The following RALGAPA2 variants were observed in gnomAD, a reference collection of about 807,000 sequenced individuals.
RALGAPA2 encodes the protein ral GTPase-activating protein subunit alpha-2.
A neutral mutation model predicts 230.4 loss-of-function variants in RALGAPA2; 139 were observed. The observed-to-expected ratio is 0.60, with a 90% CI of 0.53 to 0.69. RALGAPA2 has a LOEUF of 0.69. Among genes scored for constraint, RALGAPA2 ranks in the 30% least tolerant of loss-of-function variants. The pLI is 0.00. For synonymous variants in RALGAPA2, 847 were observed against 837.8 expected, an observed-to-expected ratio of 1.01 and a Z score of -0.19; for missense variants, 2,163 against 2,276.0, an observed-to-expected ratio of 0.95 and a Z score of 1.01.
intron 37 of RALGAPA2, among the ~76,000 whole-genome samples, chr20:20,435,207 G>A (rs1400745121): frequency 1.3e-5 from 2 of 152,234 alleles, no homozygotes; most frequent in Non-Finnish European, 2.9e-5. Flanking sequence ...CAGATCCCCT[G>A]GCTCTAAACT....
At chr20:20,552,341 C>T (rs2063949983) in intron 23 of RALGAPA2, among the ~76,000 whole-genome samples, 1 of 152,136 alleles carries the variant, frequency 6.6e-6, no homozygotes, top group South Asian at 2.1e-4. Context: ...CTCCACGAGG[C>T]CAGACACAAT....
At chr20:20,664,915 A>G (rs1360484297) in intron 3 of RALGAPA2, among the ~76,000 whole-genome samples, 1 of 152,164 alleles carries the variant, frequency 6.6e-6, no homozygotes, top group African/African-American at 2.4e-5. Flanking sequence ...CCTGCAGGAA[A>G]AGCCAGTGCA....
At chr20:20,602,769 T>C (rs939080295) in intron 15 of RALGAPA2, among the ~76,000 whole-genome samples, 3 of 152,196 alleles carry the variant, frequency 2.0e-5, no homozygotes, top group African/African-American at 7.2e-5. Flanking sequence ...TCTGTCTCTT[T>C]AGATGAATCT....
intron 9 of RALGAPA2, among the ~76,000 whole-genome samples, chr20:20,631,162 T>C (rs2066661283): frequency 6.6e-6 from 1 of 152,188 alleles, no homozygotes; most frequent in African/African-American, 2.4e-5. Context: ...TGAGTAGGCA[T>C]ATGAGAAGTT....
chr20:20,395,464 C>A (rs1021136898), intron 39 of RALGAPA2, among the ~76,000 whole-genome samples: 5 of 152,250 alleles, frequency 3.3e-5, no homozygotes, highest in Non-Finnish European at 5.9e-5. Flanking sequence ...CTCACCTCCC[C>A]ACTTTGGCGG....
intron 2 of RALGAPA2, among the ~76,000 whole-genome samples, chr20:20,678,545 G>A (rs958900980): frequency 1.1e-4 from 16 of 151,942 alleles, no homozygotes; most frequent in African/African-American, 3.9e-4. Context: ...TACATAGAAA[G>A]GTCACCTGTA....
At chr20:20,393,296 C>G (rs773447292) in intron 39 of RALGAPA2, 43 bp from the exon 40 acceptor site, 1 of 1,235,214 alleles carries the variant, frequency 8.1e-7, no homozygotes, top group Non-Finnish European at 1.1e-6. Context: ...GAGGCAACGG[C>G]GGCTCTACGG....
At chr20:20,520,243 G>A (rs1799042904) in intron 31 of RALGAPA2, among the ~76,000 whole-genome samples, 1 of 151,458 alleles carries the variant, frequency 6.6e-6, no homozygotes, top group South Asian at 2.1e-4. Context: ...GCATGCATTT[G>A]TGTGTGTGTG....
chr20:20,518,652 A>C (rs2062946885), intron 31 of RALGAPA2, among the ~76,000 whole-genome samples: 1 of 152,216 alleles, frequency 6.6e-6, no homozygotes, highest in Admixed American at 6.5e-5. Flanking sequence ...ATGTTTCCCA[A>C]AGAGTATTGT....
chr20:20,420,212 G>A (rs1482259788), intron 37 of RALGAPA2, among the ~76,000 whole-genome samples: 10 of 152,162 alleles, frequency 6.6e-5, no homozygotes, highest in Non-Finnish European at 2.9e-5. Flanking sequence ...GGCAGGAGGT[G>A]CAGCTGAAAG....
intron 4 of RALGAPA2, among the ~76,000 whole-genome samples, chr20:20,645,872 A>G (rs144743731): frequency 9.2e-5 from 14 of 152,322 alleles, no homozygotes; most frequent in Non-Finnish European, 2.9e-5. Context: ...ATAAATGCAC[A>G]GAACAGTGCC....
In RALGAPA2 at chr20:20,572,999, T is replaced by C. The variant is rs747721105; in HGVS notation, c.2777A>G (p.Asp926Gly). The C allele has an allele frequency of 2.5e-6, 4 of 1,610,402 alleles. No individual in the cohort carries two copies. The highest frequency in any genetic ancestry group is 3.4e-6 in the Non-Finnish European group (4 of 1,178,416). The change falls in exon 21 of 40, where the codon GAC becomes GGC. Residue 926 changes from aspartate to glycine, a missense_variant. By Grantham distance (94) the Asp-to-Gly change is moderately conservative. Coordinates refer to ENST00000202677, the MANE Select transcript of RALGAPA2 (RefSeq NM_020343.4). Reference protein sequence around the residue: ...AGGSLTGWHPDSAAVLWRRVL... With the variant: ...AGGSLTGWHPGSAAVLWRRVL... ...CCTTCGCCATAACACAGCAGCAGAG[T>C]CTGGGTGCCAACCAGTGAGGCTCCC...
intron 1 of RALGAPA2, among the ~76,000 whole-genome samples, chr20:20,701,000 T>G (rs925131821): frequency 6.6e-6 from 1 of 152,098 alleles, no homozygotes; most frequent in African/African-American, 2.4e-5. Context: ...TTGTTGTGGG[T>G]TTTTTTTAAA....
chr20:20,431,705 C>G (rs531717832), intron 37 of RALGAPA2, among the ~76,000 whole-genome samples: 1 of 152,134 alleles, frequency 6.6e-6, no homozygotes, highest in Admixed American at 6.5e-5. Flanking sequence ...AGTGTTCTCA[C>G]CACAAATAAA....
intron 37 of RALGAPA2, chr20:20,470,855 A>C (rs567310991): frequency 6.6e-6 from 1 of 152,284 alleles, no homozygotes; most frequent in South Asian, 2.1e-4. Context: ...ACAGAAATTA[A>C]AAGAATAGAG....
chr20:20,625,230 CT>C (rs1254504074), intron 10 of RALGAPA2, among the ~76,000 whole-genome samples: 1 of 152,218 alleles, frequency 6.6e-6, no homozygotes, highest in African/African-American at 2.4e-5. Context: ...TGCTTTCTGT[CT>C]GTTTATAATC....
chr20:20,573,043 G>A lies in RALGAPA2; in HGVS notation c.2733C>T (p.Asp911=), dbSNP rs754212626. 1 of 1,608,886 alleles carries A rather than the reference G, an allele frequency of 6.2e-7. No homozygotes were observed. ...LTDSSECLTD[D]CSIIAGGSLT... is the part of the protein sequence containing the mutation. ...GGCTCCCCCCGGCGATTATACTACA[G>A]TCATCTGTGAGGCACTCGCTGCTAT... The change falls in exon 21 of 40, where the codon GAC becomes GAT. Residue 911 remains aspartate, a synonymous_variant. Coordinates refer to ENST00000202677, the MANE Select transcript of RALGAPA2 (RefSeq NM_020343.4).
intron 37 of RALGAPA2, among the ~76,000 whole-genome samples, chr20:20,436,636 C>T (rs926450606): frequency 1.2e-4 from 18 of 152,208 alleles, no homozygotes; most frequent in African/African-American, 4.1e-4. Flanking sequence ...GAGACAAACA[C>T]TGGATGGCTC....
chr20:20,674,279 G>C (rs925255631), intron 3 of RALGAPA2, among the ~76,000 whole-genome samples: 8 of 151,306 alleles, frequency 5.3e-5, no homozygotes, highest in African/African-American at 1.9e-4. Context: ...TACTCAAGAA[G>C]AATCATTATC....
Sources: gnomAD v4.1 joint callset for allele counts (sites outside exome capture counted in the v4.1 genomes callset) on GRCh38, gnomAD v4.1.1 for gene constraint, MANE v1.5 for transcripts, NCBI Gene and HGNC (gene_info 2026-07-23, HGNC 2026-07-21) for gene names.